CNTNAP2: variants seen among roughly 807,000 people sequenced by gnomAD.
CNTNAP2 encodes contactin associated protein 2.
Under a neutral mutation model 155.2 loss-of-function variants are expected in CNTNAP2, and 98 were observed. The ratio of observed to expected loss-of-function variants is 0.63; its 90% CI spans 0.54 to 0.75. The LOEUF (loss-of-function observed/expected upper bound fraction) is 0.75, where lower values mean the gene tolerates loss of function less well. Ranked by LOEUF, CNTNAP2 falls within the 30% of genes least tolerant of loss-of-function variation. The probability of loss-of-function intolerance (pLI) is 0.00; values close to 1 mark genes in which losing one functional copy is unlikely to be tolerated. For missense variants in CNTNAP2, 1,727 were observed against 1,688.1 expected, an observed-to-expected ratio of 1.02 and a Z score of -0.40; for synonymous variants, 651 against 631.2, an observed-to-expected ratio of 1.03 and a Z score of -0.47.
chr7:146,770,527 C>T (rs1038904391), intron 1 of CNTNAP2, among the ~76,000 whole-genome samples: 1 of 151,886 alleles, frequency 6.6e-6, no homozygotes, highest in African/African-American at 2.4e-5. Flanking sequence ...TGGTGCTTTA[C>T]ATTCTGATAA....
At chr7:146,823,504 G>T (rs866068392) in intron 2 of CNTNAP2, among the ~76,000 whole-genome samples, 16 of 122,024 alleles carry the variant, frequency 1.3e-4, no homozygotes, top group South Asian at 5.4e-4. Flanking sequence ...TATTTACATG[G>T]AAATATACTC....
intron 8 of CNTNAP2, chr7:147,146,644 A>C (rs1221971697): frequency 6.6e-6 from 1 of 152,350 alleles, no homozygotes; most frequent in Non-Finnish European, 1.5e-5. Flanking sequence ...AAAAAGAAAA[A>C]GTGATCCAGT....
At chr7:146,758,493 T>G (rs1309780831) in intron 1 of CNTNAP2, among the ~76,000 whole-genome samples, 1 of 152,132 alleles carries the variant, frequency 6.6e-6, no homozygotes, top group African/African-American at 2.4e-5. Flanking sequence ...TACCAGAGAC[T>G]GGGCAATTTA....
intron 21 of CNTNAP2, among the ~76,000 whole-genome samples, chr7:148,327,098 A>C (rs992247299): frequency 6.6e-6 from 1 of 152,098 alleles, no homozygotes; most frequent in African/African-American, 2.4e-5. Context: ...CCAACCACCT[A>C]GCAGATTACA....
chr7:148,100,995 C>A (rs1170205377), intron 15 of CNTNAP2, among the ~76,000 whole-genome samples: 2 of 151,824 alleles, frequency 1.3e-5, no homozygotes, highest in Non-Finnish European at 2.9e-5. Flanking sequence ...ATGGATGAAA[C>A]TGGAAACCAT....
chr7:147,497,929 T>A (rs1584772223), intron 11 of CNTNAP2, among the ~76,000 whole-genome samples: 1 of 152,208 alleles, frequency 6.6e-6, no homozygotes. Context: ...TTAATTAAGC[T>A]CTGTGTAAGA....
chr7:148,150,650 G>A (rs1156966539), intron 17 of CNTNAP2, among the ~76,000 whole-genome samples: 3 of 152,166 alleles, frequency 2.0e-5, no homozygotes, highest in Admixed American at 6.5e-5. Context: ...AGGGACTTAG[G>A]TGTTAGTCTC....
intron 1 of CNTNAP2, among the ~76,000 whole-genome samples, chr7:146,510,759 C>T (rs1359875335): frequency 2.0e-5 from 3 of 151,272 alleles, no homozygotes; most frequent in Non-Finnish European, 4.4e-5. Context: ...AATGGGGTTG[C>T]TTTCTTGATT....
chr7:147,132,134 T>C lies in CNTNAP2; in HGVS notation c.1084-111T>C, dbSNP rs766682107. The C allele has an allele frequency of 2.5e-4, 350 of 1,383,388 alleles. 1 individual carries two copies. The highest frequency in any genetic ancestry group is 3.4e-4 in the Non-Finnish European group (337 of 984,694). The allele number at this position is 1,383,388 out of a possible 1,614,324, so 85.7% of individuals were successfully genotyped here. On this transcript the variant is annotated intron_variant, in intron 7 of 23. Coordinates refer to ENST00000361727, the MANE Select transcript of CNTNAP2 (RefSeq NM_014141.6). ...TCTGCTGCTGTGTGTGAGTTTAGCTTAGGCTCAGGCTGTGCTTCAAAACTT... is the reference window on the plus strand; with the variant it reads ...TCTGCTGCTGTGTGTGAGTTTAGCTCAGGCTCAGGCTGTGCTTCAAAACTT...
chr7:147,395,066 AG>A (rs1430840897), intron 9 of CNTNAP2, among the ~76,000 whole-genome samples: 3 of 151,982 alleles, frequency 2.0e-5, no homozygotes, highest in Non-Finnish European at 2.9e-5. Flanking sequence ...AATTAAAAAA[AG>A]GCATCTATAA....
chr7:147,374,266 T>C (rs190389498), intron 9 of CNTNAP2, among the ~76,000 whole-genome samples: 113 of 152,246 alleles, frequency 7.4e-4, no homozygotes, highest in Middle Eastern at 3.4e-3. Flanking sequence ...TAAAGAAATT[T>C]GGCCCTTTAT....
At chr7:147,320,646 T>C (rs1486791909) in intron 9 of CNTNAP2, among the ~76,000 whole-genome samples, 2 of 152,276 alleles carry the variant, frequency 1.3e-5, no homozygotes, top group East Asian at 3.9e-4. Context: ...CTGTTTACTG[T>C]GAAATACACT....
chr7:146,655,230 T>G (rs531478578), intron 1 of CNTNAP2, among the ~76,000 whole-genome samples: 1 of 151,806 alleles, frequency 6.6e-6, no homozygotes, highest in Admixed American at 6.6e-5. Context: ...CCAACCAACA[T>G]GGCAAAACCC....
At chr7:147,044,511 C>A (rs1799321553) in intron 4 of CNTNAP2, among the ~76,000 whole-genome samples, 1 of 152,130 alleles carries the variant, frequency 6.6e-6, no homozygotes, top group South Asian at 2.1e-4. Flanking sequence ...TATTCCTATA[C>A]TAAAGCCAAT....
chr7:147,858,059 A>G (rs1388365380), intron 13 of CNTNAP2, among the ~76,000 whole-genome samples: 1 of 152,208 alleles, frequency 6.6e-6, no homozygotes, highest in Non-Finnish European at 1.5e-5. Flanking sequence ...TTTCAAGGAC[A>G]AGGACTGGAC....
At chr7:146,999,795 C>T (rs914490225) in intron 3 of CNTNAP2, among the ~76,000 whole-genome samples, 2 of 152,022 alleles carry the variant, frequency 1.3e-5, no homozygotes, top group African/African-American at 4.8e-5. Flanking sequence ...TTCGCTCCTG[C>T]TGCTTTCCAA....
At chr7:147,445,248 A>G (rs12531963) in intron 10 of CNTNAP2, among the ~76,000 whole-genome samples, 30,692 of 152,152 alleles carry the variant, frequency 0.2, 3,297 homozygotes, top group East Asian at 0.36. Flanking sequence ...AAGTTATTAT[A>G]ACAGATGGTG....
chr7:147,095,892 G>C (rs1382817869), intron 4 of CNTNAP2, among the ~76,000 whole-genome samples: 2 of 152,120 alleles, frequency 1.3e-5, no homozygotes, highest in African/African-American at 2.4e-5. Flanking sequence ...TTTAGCAGCA[G>C]CAACAACAAA....
chr7:146,489,649 T>C (rs1797109855), intron 1 of CNTNAP2, among the ~76,000 whole-genome samples: 1 of 152,098 alleles, frequency 6.6e-6, no homozygotes, highest in Admixed American at 6.6e-5. Flanking sequence ...GTGCTACAGC[T>C]TGTACCCATG....
Sources: allele counts gnomAD v4.1 joint callset (sites outside exome capture counted in the v4.1 genomes callset), GRCh38; gene constraint gnomAD v4.1.1; transcripts MANE v1.5; gene names NCBI Gene and HGNC (gene_info 2026-07-23, HGNC 2026-07-21).